BDP1: variants seen among roughly 807,000 people sequenced by gnomAD.
The protein encoded by BDP1 is BDP1 general transcription factor IIIB subunit.
A neutral mutation model predicts 266.6 loss-of-function variants in BDP1; 169 were observed. The ratio of observed to expected loss-of-function variants is 0.63; its 90% CI spans 0.56 to 0.72. The LOEUF is 0.72. Ranked by LOEUF, BDP1 falls within the 30% of genes least tolerant of loss-of-function variation. BDP1 has a pLI of 0.00. For missense variants in BDP1, 3,015 were observed against 3,053.8 expected (o/e 0.99, Z 0.30); for synonymous variants, 1,090 against 1,022.4 (o/e 1.07, Z -1.26).
intron 34 of BDP1, among the ~76,000 whole-genome samples, chr5:71,551,146 G>T (rs995061424): frequency 4.0e-4 from 59 of 149,334 alleles, no homozygotes; most frequent in African/African-American, 1.4e-3. Context: ...ATCATTCTTG[G>T]GTGTTTCTCG....
In BDP1 at chr5:71,504,690, A is replaced by C; in HGVS notation, c.2311A>C (p.Lys771Gln). Residue 771 changes from lysine (K) to glutamine (Q), a missense_variant, in exon 16 of 39, where the codon AAA becomes CAA. Physicochemically the swap from Lys to Gln is moderately conservative, Grantham distance 53. This residue lies in a region of BDP1 where 2,383 missense variants were observed against 2,404.9 expected (regional missense o/e 0.99). Coordinates refer to ENST00000358731, the MANE Select transcript of BDP1 (RefSeq NM_018429.3). Reference protein sequence around the residue: ...EEEDVILQPEKNDSFQNVQPD... With the variant: ...EEEDVILQPEQNDSFQNVQPD... ...GGAAGATGTCATATTACAGCCTGAG[A>C]AAAATGATTCTTTTCAAAATGTGCA... The C allele has an allele frequency of 6.2e-7, 1 of 1,613,468 alleles. No individual in the cohort carries two copies.
intron 25 of BDP1, among the ~76,000 whole-genome samples, chr5:71,530,440 T>C (rs1253941893): frequency 6.6e-6 from 1 of 151,956 alleles, no homozygotes; most frequent in Non-Finnish European, 1.5e-5. Flanking sequence ...GATGGGGTTT[T>C]ACCATGTTGT....
At chr5:71,470,773 A>G (rs1762193047) in intron 7 of BDP1, among the ~76,000 whole-genome samples, 1 of 151,704 alleles carries the variant, frequency 6.6e-6, no homozygotes, top group South Asian at 2.1e-4. Context: ...CTGTTTTAGT[A>G]GAGACGGGGT....
In BDP1 at chr5:71,522,896, A is replaced by C. The variant is rs753985154; in HGVS notation, c.5334A>C (p.Gly1778=). The C allele has an allele frequency of 3.1e-6, 5 of 1,609,152 alleles. No homozygotes were observed. In the Admixed American group the frequency reaches 5.1e-5, roughly 16 times the overall value. ...PSRRVGEETV[G]DNSPSSVVEE... ...GAAGGGTTGGAGAGGAAACTGTAGG[A>C]GATAATTCACCATCTTCAGTTGTTG... The change falls in exon 24 of 39, where the codon GGA becomes GGC. Residue 1778 remains glycine (G), a synonymous_variant. Coordinates refer to ENST00000358731, the MANE Select transcript of BDP1 (RefSeq NM_018429.3).
chr5:71,522,805 G>A lies in BDP1; in HGVS notation c.5243G>A (p.Cys1748Tyr), dbSNP rs1302753203. Residue 1748 changes from cysteine to tyrosine, a missense_variant, in exon 24 of 39, where the codon TGT becomes TAT. Transcript: ENST00000358731. ...CTGGAGGTTTCAGCAAGAAAAGATT[G>A]TGTAGGTTCCAAAGAGTCTGCTTTG... ...TSLEVSARKD[C>Y]VGSKESALAK... is the part of the protein sequence containing the mutation. 7 of 1,611,336 alleles carry A rather than the reference G, an allele frequency of 4.3e-6. No individual in the cohort carries two copies. The highest frequency in any genetic ancestry group is 3.3e-4 in the Middle Eastern group (2 of 6,042).
At chr5:71,538,075 T>C (rs1766744831) in intron 26 of BDP1, among the ~76,000 whole-genome samples, 1 of 152,262 alleles carries the variant, frequency 6.6e-6, no homozygotes. Flanking sequence ...TGTCATATGC[T>C]TTTTCTGCAT....
chr5:71,475,336 C>T (rs937369343), intron 7 of BDP1, among the ~76,000 whole-genome samples: 6 of 151,652 alleles, frequency 4.0e-5, no homozygotes, highest in Non-Finnish European at 8.8e-5. Flanking sequence ...TTTCGAACTC[C>T]TTGACTCAAG....
chr5:71,529,739 A>T (rs1035960333), intron 25 of BDP1, among the ~76,000 whole-genome samples: 1 of 152,210 alleles, frequency 6.6e-6, no homozygotes, highest in Non-Finnish European at 1.5e-5. Context: ...TAAAGTGTTG[A>T]TATGTGTCAC....
intron 21 of BDP1, 63 bp downstream of exon 21, chr5:71,516,334 T>C (rs1193263853): frequency 8.0e-7 from 1 of 1,242,756 alleles, no homozygotes; most frequent in Admixed American, 2.1e-5. Flanking sequence ...AAGTTATAGC[T>C]CAGACATAGC....
chr5:71,487,801 C>T (rs573280497), intron 9 of BDP1, among the ~76,000 whole-genome samples: 1 of 152,314 alleles, frequency 6.6e-6, no homozygotes, highest in East Asian at 1.9e-4. Context: ...CATTGTACAG[C>T]TAAGGCACAG....
intron 26 of BDP1, among the ~76,000 whole-genome samples, chr5:71,533,401 A>G (rs1196876614): frequency 1.3e-5 from 2 of 150,806 alleles, no homozygotes; most frequent in Non-Finnish European, 2.9e-5. Flanking sequence ...CCAGCAGTTT[A>G]TGAGGGTTCC....
chr5:71,478,924 G>A (rs1308786283), intron 7 of BDP1, among the ~76,000 whole-genome samples: 1 of 151,960 alleles, frequency 6.6e-6, no homozygotes, highest in Non-Finnish European at 1.5e-5. Context: ...TTGTCATAGC[G>A]TCAAGTTCAC....
rs1210258572 is a variant in BDP1, at chr5:71,458,671, C to G, written c.305C>G (p.Ser102Cys). The G allele has an allele frequency of 1.2e-6, 2 of 1,614,028 alleles. No homozygotes were observed. The highest frequency in any genetic ancestry group is 1.7e-6 in the Non-Finnish European group (2 of 1,179,906). ...SQRRKRISSTSSLVKSSVSVP... is the reference protein window; with the variant it reads ...SQRRKRISSTCSLVKSSVSVP... ...AGAAGAAAGCGAATATCAAGTACTTCTAGCCTGGTTAAGTCTAGTGTCAGT... is the reference window on the plus strand; with the variant it reads ...AGAAGAAAGCGAATATCAAGTACTTGTAGCCTGGTTAAGTCTAGTGTCAGT... The change falls in exon 2 of 39, where the codon TCT (serine) becomes TGT (cysteine). Residue 102 changes from serine (S) to cysteine (C), a missense_variant. Coordinates refer to ENST00000358731, the MANE Select transcript of BDP1 (RefSeq NM_018429.3).
At chr5:71,482,273 T>C (rs150172334) in intron 7 of BDP1, among the ~76,000 whole-genome samples, 184 of 152,344 alleles carry the variant, frequency 1.2e-3, no homozygotes, top group Non-Finnish European at 2.1e-3. Context: ...GTTGGATTGC[T>C]GTACCCTGTT....
chr5:71,544,156 A>T (rs543579677), intron 30 of BDP1, among the ~76,000 whole-genome samples: 22 of 152,302 alleles, frequency 1.4e-4, no homozygotes, highest in African/African-American at 5.3e-4. Flanking sequence ...GTAGAACAGG[A>T]TTTATTAATC....
chr5:71,519,748 TA>T (rs1363875265), intron 22 of BDP1, among the ~76,000 whole-genome samples: 15 of 152,370 alleles, frequency 9.8e-5, no homozygotes, highest in African/African-American at 3.6e-4. Flanking sequence ...ATGTGTTGGC[TA>T]TTGTGAATAC....
At chr5:71,522,005 C>A (rs1254738949) in intron 22 of BDP1, among the ~76,000 whole-genome samples, 1 of 151,510 alleles carries the variant, frequency 6.6e-6, no homozygotes. Flanking sequence ...ATTAAAGTAG[C>A]ATGAAATCAT....
At chr5:71,474,796 G>A (rs994009613) in intron 7 of BDP1, among the ~76,000 whole-genome samples, 2 of 149,784 alleles carry the variant, frequency 1.3e-5, no homozygotes, top group Non-Finnish European at 3.0e-5. Context: ...GCAGTGAACC[G>A]AAATTGCATC....
the BDP1 span, among the ~76,000 whole-genome samples, chr5:71,576,474 T>G: frequency 6.6e-6 from 1 of 152,228 alleles, no homozygotes; most frequent in African/African-American, 2.4e-5. Context: ...TTATTAAGTC[T>G]TGGTTATATT....
Sources: allele counts gnomAD v4.1 joint callset (sites outside exome capture counted in the v4.1 genomes callset), GRCh38; gene constraint gnomAD v4.1.1; regional missense constraint gnomAD v4.1.1; transcripts MANE v1.5; gene names NCBI Gene and HGNC (gene_info 2026-07-23, HGNC 2026-07-21).